The following TSNARE1 variants were observed in gnomAD, a reference collection of about 807,000 sequenced individuals.
TSNARE1 encodes t-SNARE domain containing 1.
In TSNARE1, 49 loss-of-function variants were observed where a neutral mutation model predicts 62.0. That is an observed-to-expected ratio of 0.79 (90% CI 0.63 to 1.00). The LOEUF is 1.00. Among genes scored for constraint, TSNARE1 ranks in the 50% least tolerant of loss-of-function variants. The pLI, the probability that TSNARE1 is intolerant of heterozygous loss-of-function variation, is 0.00. For missense variants in TSNARE1, 755 were observed against 700.1 expected, an observed-to-expected ratio of 1.08 and a Z score of -0.88; for synonymous variants, 328 against 294.4, an observed-to-expected ratio of 1.11 and a Z score of -1.17.
intron 12 of TSNARE1, among the ~76,000 whole-genome samples, chr8:142,256,334 CCACCATCATCAT>C: frequency 1.2e-3 from 5 of 4,326 alleles, no homozygotes; most frequent in African/African-American, 3.7e-3. Flanking sequence ...ACCATCTTTG[CCACCATCATCAT>C]CACCATCATT....
rs759948818 is a variant in TSNARE1, at chr8:142,318,549, A to G, written c.979T>C (p.Cys327Arg). ...CCCAGACCCCAGGAACATACCGGGC[A>G]GGAGCTGCGCAGCAGCTCGGCCATC... ...KQMAELLRSSCPQERLQQERP... is the reference protein window; with the variant it reads ...KQMAELLRSSRPQERLQQERP... Residue 327 changes from cysteine to arginine, a missense_variant, in exon 7 of 14, where the codon TGC becomes CGC. Coordinates refer to ENST00000524325, the MANE Select transcript of TSNARE1 (RefSeq NM_145003.5). 3.7e-6 allele frequency: 6 copies of G among 1,612,564 alleles called. No individual in the cohort carries two copies. Among genetic ancestry groups the G allele is most frequent in the Non-Finnish European group, 5.1e-6 (6 of 1,179,658 alleles).
intron 11 of TSNARE1, chr8:142,275,714 G>A: frequency 2.0e-6 from 2 of 985,480 alleles, no homozygotes; most frequent in South Asian, 4.7e-5. Context: ...AAGAGCTTGG[G>A]AGGCAGGAGT....
chr8:142,345,932 A>G (rs755197256), intron 2 of TSNARE1, 40 bp from the exon 3 acceptor site: 53 of 1,576,420 alleles, frequency 3.4e-5, no homozygotes, highest in Non-Finnish European at 4.2e-5. Context: ...CTCTCAGCTC[A>G]GGGCGCTCCT....
rs371285908 is a variant in TSNARE1 at position 142,347,152 on chromosome 8, G to A, written c.89-1260C>T. ...GGGAGAAGCCTGCAGAAGGACGGGA[G>A]GGCAGCTGCCTGGCTCATTTCGGGG... is the stretch of plus-strand genomic sequence containing the variant. On this transcript the variant is annotated intron_variant, in intron 2 of 13. Transcript: ENST00000524325. Among the ~76,000 whole-genome samples the A allele has an allele frequency of 9.7e-4, 148 of 152,362 alleles. 1 individual carries two copies. The highest frequency in any genetic ancestry group is 3.4e-3 in the Middle Eastern group (1 of 294).
intron 9 of TSNARE1, among the ~76,000 whole-genome samples, chr8:142,312,583 C>T (rs1401762564): frequency 6.6e-6 from 1 of 152,148 alleles, no homozygotes; most frequent in Admixed American, 6.5e-5. Flanking sequence ...ATCCAACTTT[C>T]GTCTTCTTAG....
At chr8:142,405,812 G>A, upstream of TSNARE1, 1 of 152,374 alleles carries the variant, frequency 6.6e-6, no homozygotes, top group Non-Finnish European at 1.5e-5. Context: ...CTCCTGCTCT[G>A]CTCCCAGCAC....
rs1203523315 is a variant in TSNARE1, at chr8:142,319,780, G to A, written c.894-1146C>T. ...CGGGCAGAGCCTGTGGCACACAGAG[G>A]AGTAAGACTGCCCCCCCAGAACAGG... On this transcript the variant is annotated intron_variant, in intron 6 of 13. Coordinates refer to ENST00000524325, the MANE Select transcript of TSNARE1 (RefSeq NM_145003.5). The surrounding 1 kb of genome is among the most constrained non-coding windows in gnomAD (Gnocchi z 4.9). 1.3e-5 allele frequency among the ~76,000 whole-genome samples: 2 copies of A among 152,116 alleles called. No individual in the cohort carries two copies. Among genetic ancestry groups the A allele is most frequent in the Non-Finnish European group, 2.9e-5 (2 of 67,998 alleles).
At chr8:142,361,732 A>C (rs1172390835) in intron 1 of TSNARE1, among the ~76,000 whole-genome samples, 3 of 152,062 alleles carry the variant, frequency 2.0e-5, no homozygotes, top group African/African-American at 4.8e-5. Context: ...ACACTCCCTA[A>C]ATGAACCTCA....
At chr8:142,273,477 C>T in intron 12 of TSNARE1, 1 of 985,422 alleles carries the variant, frequency 1.0e-6, no homozygotes, top group South Asian at 4.7e-5. Context: ...GGCCAAACAG[C>T]CCAGAGCTGG....
chr8:142,240,068 A>AT (rs1390189454), intron 12 of TSNARE1, among the ~76,000 whole-genome samples: 1 of 152,200 alleles, frequency 6.6e-6, no homozygotes, highest in East Asian at 1.9e-4. Context: ...GACACATGGG[A>AT]TTTTTTTAAA....
At chr8:142,395,278 C>T (rs1837817271) in intron 1 of TSNARE1, among the ~76,000 whole-genome samples, 1 of 152,184 alleles carries the variant, frequency 6.6e-6, no homozygotes, top group Non-Finnish European at 1.5e-5. Flanking sequence ...AGAGCCACTT[C>T]CCAAAATCTG....
intron 4 of TSNARE1, among the ~76,000 whole-genome samples, chr8:142,334,746 T>C (rs1176720507): frequency 1.3e-5 from 2 of 152,316 alleles, no homozygotes; most frequent in Non-Finnish European, 2.9e-5. Context: ...TAAGAAGGAC[T>C]TGATCCTTTC....
intron 1 of TSNARE1, among the ~76,000 whole-genome samples, chr8:142,373,775 C>T (rs1231392199): frequency 2.6e-5 from 4 of 152,046 alleles, no homozygotes; most frequent in Non-Finnish European, 4.4e-5. Flanking sequence ...AAGAAGACAG[C>T]CTTACCCACT....
At chr8:142,331,932 G>A (rs1165381913) in intron 4 of TSNARE1, 101 bp from the exon 5 acceptor site, 13 of 1,193,944 alleles carry the variant, frequency 1.1e-5, no homozygotes, top group African/African-American at 3.0e-5. Context: ...GCAGGGACCC[G>A]ACAGGCAGCA....
chr8:142,279,042 T>C (rs1820965414), intron 11 of TSNARE1, among the ~76,000 whole-genome samples: 1 of 152,212 alleles, frequency 6.6e-6, no homozygotes, highest in South Asian at 2.1e-4. Context: ...TGGCCTTGCC[T>C]TCTCATGGTA....
At chr8:142,216,935 T>A (rs1228717030) in intron 13 of TSNARE1, among the ~76,000 whole-genome samples, 2 of 152,010 alleles carry the variant, frequency 1.3e-5, no homozygotes, top group African/African-American at 4.8e-5. Context: ...AGACGGTAGG[T>A]GAACAGTCGT....
At chr8:142,345,053 G>A (rs930816897) in intron 3 of TSNARE1, among the ~76,000 whole-genome samples, 1 of 152,198 alleles carries the variant, frequency 6.6e-6, no homozygotes, top group Non-Finnish European at 1.5e-5. Context: ...TGGCCTGGTC[G>A]GCAGCCTCAC....
intron 12 of TSNARE1, among the ~76,000 whole-genome samples, chr8:142,234,717 C>T (rs1817317025): frequency 6.6e-6 from 1 of 152,136 alleles, no homozygotes; most frequent in Non-Finnish European, 1.5e-5. Context: ...CAGATAGGCA[C>T]CCCATCCACC....
rs1467219825 is a variant in TSNARE1 at position 142,300,486 on chromosome 8, C to G, written c.1290G>C (p.Glu430Asp). 6.2e-7 allele frequency: 1 copy of G among 1,601,358 alleles called. No homozygotes were observed. The highest frequency in any genetic ancestry group is 8.5e-7 in the Non-Finnish European group (1 of 1,177,606). ...GCACGCTTGCCCACGCCAGCCTCACCTCCATCTGCAGGATGGCCTCCTCCC... is the reference window on the plus strand; with the variant it reads ...GCACGCTTGCCCACGCCAGCCTCACGTCCATCTGCAGGATGGCCTCCTCCC... ...RLREEAILQMESNLLDVNQII... is the reference protein window; with the variant it reads ...RLREEAILQMDSNLLDVNQII... The change falls in exon 10 of 14, where the codon GAG (glutamate) becomes GAC (aspartate). Residue 430 changes from glutamate to aspartate, a missense_variant and splice_region_variant. By Grantham distance (45) the Glu-to-Asp change is conservative (BLOSUM62 2). Coordinates refer to ENST00000524325, the MANE Select transcript of TSNARE1 (RefSeq NM_145003.5).
Sources: allele counts gnomAD v4.1 joint callset (sites outside exome capture counted in the v4.1 genomes callset), GRCh38; gene constraint gnomAD v4.1.1; non-coding constraint Gnocchi (gnomAD v3.1); transcripts MANE v1.5; gene names NCBI Gene and HGNC (gene_info 2026-07-23, HGNC 2026-07-21).